Variants in C4orf51 observed in about 807,000 individuals in gnomAD.
The protein encoded by C4orf51 is uncharacterized protein C4orf51.
C4orf51 carries 25 observed loss-of-function variants against 25.2 expected under a neutral mutation model. That is an observed-to-expected ratio of 0.99 (90% CI 0.72 to 1.39). The LOEUF (loss-of-function observed/expected upper bound fraction) is 1.39, where lower values mean the gene tolerates loss of function less well. Among genes scored for constraint, C4orf51 ranks in the 40% most tolerant of loss-of-function variants. C4orf51 has a pLI of 0.00. For missense variants in C4orf51, 252 were observed against 239.6 expected, an observed-to-expected ratio of 1.05 and a Z score of -0.34; for synonymous variants, 100 against 84.5, an observed-to-expected ratio of 1.18 and a Z score of -1.01.
intron 1 of C4orf51, among the ~76,000 whole-genome samples, chr4:145,686,638 G>C (rs1441347586): frequency 6.6e-6 from 1 of 152,052 alleles, no homozygotes; most frequent in Non-Finnish European, 1.5e-5. Flanking sequence ...GTATATTCAA[G>C]GAAAACTAAA....
chr4:145,726,607 A>G (rs753294230), intron 2 of C4orf51, among the ~76,000 whole-genome samples: 11 of 152,082 alleles, frequency 7.2e-5, no homozygotes, highest in Non-Finnish European at 1.6e-4. Flanking sequence ...GGGTCTCCCT[A>G]TGTTGCCAAC....
At chr4:145,714,607 T>C (rs770279701) in intron 2 of C4orf51, among the ~76,000 whole-genome samples, 27 of 152,254 alleles carry the variant, frequency 1.8e-4, no homozygotes, top group Non-Finnish European at 4.0e-4. Flanking sequence ...ACTGTGCTTT[T>C]TCATAACAAT....
At chr4:145,771,940 G>A (rs570939369), downstream of C4orf51, among the ~76,000 whole-genome samples, 12 of 152,308 alleles carry the variant, frequency 7.9e-5, no homozygotes, top group South Asian at 2.1e-4. Context: ...CATCTTCTGC[G>A]CATCTGAAAA....
chr4:145,732,021 C>A (rs1264987668), intron 5 of C4orf51, among the ~76,000 whole-genome samples: 1 of 152,164 alleles, frequency 6.6e-6, no homozygotes, highest in African/African-American at 2.4e-5. Context: ...TAACACTATT[C>A]TTAGTTTCGA....
chr4:145,729,745 C>T (rs953444233), intron 4 of C4orf51, 147 bp from the exon 5 acceptor site: 2 of 640,780 alleles, frequency 3.1e-6, no homozygotes, highest in African/African-American at 1.8e-5. Context: ...GCATTTGTCA[C>T]TCATGCTGGT....
In C4orf51 at chr4:145,726,849, T is replaced by C. The variant is rs1732089220; in HGVS notation, c.308-62T>C. 6 of 1,362,284 alleles carry C rather than the reference T, an allele frequency of 4.4e-6. No homozygotes were observed. The East Asian group carries it at 1.4e-4, about 31-fold the overall frequency. The allele number at this position is 1,362,284 out of a possible 1,614,324, so 84.4% of individuals were successfully genotyped here. Reference sequence around the variant, plus strand: ...TTTGTGGTAATAGCCTAATTGGAAGTGTAAGGAATTTTATTCTAACTCTGC... The same window carrying C: ...TTTGTGGTAATAGCCTAATTGGAAGCGTAAGGAATTTTATTCTAACTCTGC... On this transcript the variant is annotated intron_variant, in intron 2 of 5. Coordinates refer to ENST00000438731, the MANE Select transcript of C4orf51 (RefSeq NM_001080531.3).
At position 145,761,452 on chromosome 4, in the gene C4orf51, C is replaced by T; in HGVS notation, n.167-9536C>T. ...GTCGCACTTGTAGTGGTTGCCCAGG[C>T]GGTGCTCCCGGGTGTGCGTCTCCAG... is the stretch of plus-strand genomic sequence containing the variant. On this transcript the variant is annotated intron_variant and non_coding_transcript_variant, in intron 1 of 1. Transcript: ENST00000510096. This position sits in a 1 kb window ranked among gnomAD's most constrained non-coding sequence, Gnocchi z 6.8. 1 of 1,289,838 alleles carries T rather than the reference C, an allele frequency of 7.8e-7. No homozygotes were observed. Among genetic ancestry groups the T allele is most frequent in the Non-Finnish European group, 1.0e-6 (1 of 988,868 alleles). 79.9% of individuals were successfully genotyped at this position (1,289,838 alleles called of 1,614,324 possible).
At chr4:145,682,978 A>G (rs1728925332) in intron 1 of C4orf51, among the ~76,000 whole-genome samples, 1 of 152,182 alleles carries the variant, frequency 6.6e-6, no homozygotes, top group Non-Finnish European at 1.5e-5. Context: ...TCATCTACAT[A>G]GAAAATCTGA....
At chr4:145,705,745 A>G (rs1476236177) in intron 2 of C4orf51, among the ~76,000 whole-genome samples, 2 of 152,180 alleles carry the variant, frequency 1.3e-5, no homozygotes, top group Non-Finnish European at 2.9e-5. Context: ...TTGAGAGGAC[A>G]GTATCCCTCA....
intron 1 of C4orf51, among the ~76,000 whole-genome samples, chr4:145,738,459 C>T (rs200374647): frequency 4.1e-5 from 6 of 146,652 alleles, no homozygotes; most frequent in African/African-American, 1.0e-4. Flanking sequence ...CGAAAAAAAA[C>T]ATATATATAT....
At chr4:145,701,480 C>T (rs915286687) in intron 2 of C4orf51, among the ~76,000 whole-genome samples, 1 of 151,846 alleles carries the variant, frequency 6.6e-6, no homozygotes, top group African/African-American at 2.4e-5. Flanking sequence ...GACTGTTCAA[C>T]TCACCTGGCA....
the C4orf51 span, among the ~76,000 whole-genome samples, chr4:145,785,576 C>T: frequency 6.6e-6 from 1 of 152,118 alleles, no homozygotes; most frequent in African/African-American, 2.4e-5. Context: ...ACAGTTTCCA[C>T]AGTAACTAAG....
intron 2 of C4orf51, among the ~76,000 whole-genome samples, chr4:145,708,022 C>T (rs1730921694): frequency 6.6e-6 from 1 of 152,206 alleles, no homozygotes; most frequent in African/African-American, 2.4e-5. Flanking sequence ...AGGGGCAAGC[C>T]ATGGACATAG....
the C4orf51 span, among the ~76,000 whole-genome samples, chr4:145,780,635 A>G: frequency 2.6e-5 from 4 of 152,242 alleles, no homozygotes; most frequent in African/African-American, 9.6e-5. Context: ...TTATACAAAC[A>G]TTCCTCCTAT....
At chr4:145,743,763 G>A (rs1316696292) in intron 1 of C4orf51, among the ~76,000 whole-genome samples, 1 of 152,136 alleles carries the variant, frequency 6.6e-6, no homozygotes, top group Non-Finnish European at 1.5e-5. Context: ...TCTTTGTTTG[G>A]TTTCATTGTA....
downstream of C4orf51, among the ~76,000 whole-genome samples, chr4:145,737,754 A>T: frequency 6.6e-6 from 1 of 151,810 alleles, no homozygotes; most frequent in East Asian, 1.9e-4. Flanking sequence ...TTTTGATCTG[A>T]CTCTCACTCC....
At chr4:145,787,289 C>G in the C4orf51 span, among the ~76,000 whole-genome samples, 2 of 152,008 alleles carry the variant, frequency 1.3e-5, no homozygotes, top group Admixed American at 1.3e-4. Flanking sequence ...ATAGTGACAC[C>G]CCGTCTCTAC....
At chr4:145,750,226 C>A (rs1195595982) in intron 1 of C4orf51, among the ~76,000 whole-genome samples, 1 of 151,706 alleles carries the variant, frequency 6.6e-6, no homozygotes, top group Non-Finnish European at 1.5e-5. Flanking sequence ...GAGTTTTGTA[C>A]CTTCAGATGA....
chr4:145,718,765 C>T (rs1731555893), intron 2 of C4orf51, among the ~76,000 whole-genome samples: 1 of 152,240 alleles, frequency 6.6e-6, no homozygotes, highest in Non-Finnish European at 1.5e-5. Context: ...CTTTGCTCAT[C>T]CTGTTCCAGT....
Sources: gnomAD v4.1 joint callset for allele counts (sites outside exome capture counted in the v4.1 genomes callset) on GRCh38, gnomAD v4.1.1 for gene constraint, Gnocchi (gnomAD v3.1) non-coding constraint, MANE v1.5 for transcripts, NCBI Gene and HGNC (gene_info 2026-07-23, HGNC 2026-07-21) for gene names.